TMEM151B: variants seen among roughly 807,000 people sequenced by gnomAD.
TMEM151B encodes the protein transmembrane protein 151B.
A neutral mutation model predicts 33.0 loss-of-function variants in TMEM151B; 18 were observed. The ratio of observed to expected loss-of-function variants is 0.55; its 90% CI spans 0.38 to 0.81. TMEM151B has a LOEUF of 0.81. TMEM151B is among the 30% of genes least tolerant of loss of function. TMEM151B has a pLI of 0.00. For missense variants in TMEM151B, 672 were observed against 843.4 expected (o/e 0.80, Z 2.52); for synonymous variants, 354 against 373.6 (o/e 0.95, Z 0.61).
chr6:44,272,098 A>C (rs895867473), intron 1 of TMEM151B, among the ~76,000 whole-genome samples: 1 of 152,128 alleles, frequency 6.6e-6, no homozygotes, highest in African/African-American at 2.4e-5. Context: ...GGAGCCAGAC[A>C]TGTAAACAAC....
rs1212435743 is a variant in TMEM151B at position 44,278,554 on chromosome 6, C to T, written c.*2027C>T. On this transcript the variant is annotated 3_prime_UTR_variant, in exon 3 of 3. Coordinates refer to ENST00000451188, the MANE Select transcript of TMEM151B (RefSeq NM_001137560.2). ...GGGACAGCCTGGCCACCTCAGGGCTCCAAGGAAGGAGGAACGTGGCTCCTC... is the reference window on the plus strand; with the variant it reads ...GGGACAGCCTGGCCACCTCAGGGCTTCAAGGAAGGAGGAACGTGGCTCCTC... The T allele has an allele frequency of 1.3e-5, 2 of 152,178 alleles. No individual in the cohort carries two copies. Among genetic ancestry groups the T allele is most frequent in the African/African-American group, 4.8e-5 (2 of 41,424 alleles). The allele number at this position is 152,178 out of a possible 1,614,324, so 9.4% of individuals were successfully genotyped here. A position where few individuals can be genotyped will look rare whatever the true frequency, so the allele number is the denominator to read the frequency against.
Position 44,273,422 on chromosome 6 carries a change from G to A in TMEM151B, c.492G>A (p.Trp164Ter). The A allele has an allele frequency of 2.6e-6, 4 of 1,551,174 alleles. No homozygotes were observed. Among genetic ancestry groups the A allele is most frequent in the Non-Finnish European group, 3.5e-6 (4 of 1,146,986 alleles). ...TGCAGCAAGCCACGCCCTGCATCTG[G>A]TGGAAGGCCATCAGCTACCACTATG... ...GRMQQATPCIWWKAISYHYVR... is the reference protein window; with the variant it reads ...GRMQQATPCI The change falls in exon 2 of 3, where the codon TGG (tryptophan) becomes TGA (stop). Residue 164 changes from tryptophan (W) to a stop codon, truncating the protein, a stop_gained. Coordinates refer to ENST00000451188, the MANE Select transcript of TMEM151B (RefSeq NM_001137560.2). LOFTEE classifies it high-confidence loss of function.
At position 44,273,131 on chromosome 6, in the gene TMEM151B, G is replaced by T; in HGVS notation, c.201G>T (p.Leu67=). The part of the protein sequence containing the change: ...LCRESHWKCL[L]LSLLMYGCLG... ...GTGAGTCCCACTGGAAGTGCCTCCT[G>T]CTCTCGCTGCTCATGTACGGCTGCC... is the stretch of plus-strand genomic sequence containing the variant. The change falls in exon 2 of 3, where the codon CTG becomes CTT. Residue 67 remains leucine (L), a synonymous_variant. Coordinates refer to ENST00000451188, the MANE Select transcript of TMEM151B (RefSeq NM_001137560.2). 1 of 1,532,560 alleles carries T rather than the reference G, an allele frequency of 6.5e-7. No homozygotes were observed. 94.9% of individuals were successfully genotyped at this position (1,532,560 alleles called of 1,614,324 possible).
At chr6:44,273,577 C>T in intron 2 of TMEM151B, 71 bp downstream of exon 2, 1 of 1,464,686 alleles carries the variant, frequency 6.8e-7, no homozygotes, top group African/African-American at 1.4e-5. Context: ...TCACTCCCTC[C>T]CCACCTCCCT....
intron 1 of TMEM151B, among the ~76,000 whole-genome samples, chr6:44,272,591 C>T (rs1782407402): frequency 6.6e-6 from 1 of 152,098 alleles, no homozygotes; most frequent in South Asian, 2.1e-4. Flanking sequence ...GTGGGTCCCT[C>T]CCCCTTTTCT....
intron 2 of TMEM151B, 113 bp downstream of exon 2, chr6:44,273,619 G>A (rs1782453515): frequency 8.3e-7 from 1 of 1,210,514 alleles, no homozygotes; most frequent in African/African-American, 1.5e-5. Context: ...AAAGGCAGCA[G>A]TGAGCTCCCA....
At chr6:44,275,291 A>T in intron 2 of TMEM151B, 112 bp from the exon 3 acceptor site, 1 of 1,428,648 alleles carries the variant, frequency 7.0e-7, no homozygotes, top group Non-Finnish European at 9.1e-7. Flanking sequence ...AGACAGACTT[A>T]GGGTCCGACC....
At position 44,275,475 on chromosome 6, in the gene TMEM151B, G is replaced by C; in HGVS notation, c.649G>C (p.Val217Leu). 1.3e-6 allele frequency: 2 copies of C among 1,547,342 alleles called. No individual in the cohort carries two copies. Among genetic ancestry groups the C allele is most frequent in the Non-Finnish European group, 1.7e-6 (2 of 1,144,572 alleles). Residue 217 changes from valine (V) to leucine (L), a missense_variant, in exon 3 of 3, where the codon GTG becomes CTG. By Grantham distance (32) the Val-to-Leu change is conservative. This residue lies in a region of TMEM151B where 285 missense variants were observed against 423.1 expected (regional missense o/e 0.67). Transcript: ENST00000451188. ...CTACGCGCGCTGCGGCGTTCGCGAC[G>C]TGTCCAAGACGCTGGTGGGGCTGGA... is the stretch of plus-strand genomic sequence containing the variant. The part of the protein sequence containing the change: ...FDYARCGVRD[V>L]SKTLVGLEGA...
chr6:44,273,585 C>A, intron 2 of TMEM151B, 79 bp downstream of exon 2: 1 of 1,430,952 alleles, frequency 7.0e-7, no homozygotes, highest in Non-Finnish European at 9.4e-7. Context: ...TCCCCACCTC[C>A]CTGGGGGGAA....
chr6:44,274,771 A>AG (rs1426854004), intron 2 of TMEM151B, among the ~76,000 whole-genome samples: 1 of 152,220 alleles, frequency 6.6e-6, no homozygotes, highest in Non-Finnish European at 1.5e-5. Flanking sequence ...GGCAGGCCAG[A>AG]GGGGCAGTTC....
At chr6:44,274,938 G>C (rs1192231360) in intron 2 of TMEM151B, among the ~76,000 whole-genome samples, 2 of 151,980 alleles carry the variant, frequency 1.3e-5, no homozygotes, top group Non-Finnish European at 2.9e-5. Context: ...CCAACATAGT[G>C]AAACCCCGTC....
intron 2 of TMEM151B, among the ~76,000 whole-genome samples, chr6:44,274,228 G>C (rs1308942780): frequency 6.6e-6 from 1 of 152,190 alleles, no homozygotes; most frequent in Admixed American, 6.6e-5. Context: ...GTGCTTAATG[G>C]CTGGAGATGG....
intron 2 of TMEM151B, 57 bp from the exon 3 acceptor site, chr6:44,275,346 A>G: frequency 6.9e-7 from 1 of 1,450,328 alleles, no homozygotes; most frequent in Non-Finnish European, 9.1e-7. Flanking sequence ...GAGTGGGCAG[A>G]AGCGGGCACC....
Position 44,275,753 on chromosome 6 carries a change from G to A in TMEM151B, c.927G>A (p.Thr309=). The A allele has an allele frequency of 1.3e-6, 2 of 1,545,722 alleles. No individual in the cohort carries two copies. Among genetic ancestry groups the A allele is most frequent in the Non-Finnish European group, 1.7e-6 (2 of 1,145,130 alleles). The stretch of plus-strand genomic sequence containing the variant: ...CCTTCTGGGCCGCGGCGCTGCTCAC[G>A]CTGTCGTGGCCGCTGCGAGTGCTGG... ...SSAFWAAALL[T]LSWPLRVLAE... is the part of the protein sequence containing the mutation. The change falls in exon 3 of 3, where the codon ACG becomes ACA. Residue 309 remains threonine, a synonymous_variant. Coordinates refer to ENST00000451188, the MANE Select transcript of TMEM151B (RefSeq NM_001137560.2).
In TMEM151B at chr6:44,275,833, A is replaced by G. The variant is rs1479669647; in HGVS notation, c.1007A>G (p.Glu336Gly). 6 of 1,541,958 alleles carry G rather than the reference A, an allele frequency of 3.9e-6. No individual in the cohort carries two copies. Among genetic ancestry groups the G allele is most frequent in the Non-Finnish European group, 5.2e-6 (6 of 1,145,828 alleles). Residue 336 changes from glutamate (E) to glycine (G), a missense_variant, in exon 3 of 3, where the codon GAG becomes GGG. Transcript: ENST00000451188. ...CACGTGGAGAAGCTATTTGGCCTGG[A>G]GGGCCCGGGCTCGGCCAGCAGCGCA... ...HYHVEKLFGL[E>G]GPGSASSAGG...
intron 2 of TMEM151B, 105 bp from the exon 3 acceptor site, chr6:44,275,298 G>T: frequency 1.4e-6 from 2 of 1,430,666 alleles, no homozygotes; most frequent in South Asian, 3.0e-5. Context: ...CTTAGGGTCC[G>T]ACCAGGCAAC....
At chr6:44,274,501 G>A (rs1782489473) in intron 2 of TMEM151B, among the ~76,000 whole-genome samples, 1 of 152,230 alleles carries the variant, frequency 6.6e-6, no homozygotes, top group South Asian at 2.1e-4. Context: ...TGGGGTCCTG[G>A]AGGAGACGTT....
Position 44,276,120 on chromosome 6 carries a change from A to G in TMEM151B, c.1294A>G (p.Ser432Gly). The part of the protein sequence containing the change: ...GAAGVAPYRR[S>G]CEHCQRAVSS... ...GGCGGGCGTGGCTCCCTACCGGCGCAGCTGCGAGCACTGCCAGCGCGCCGT... is the reference window on the plus strand; with the variant it reads ...GGCGGGCGTGGCTCCCTACCGGCGCGGCTGCGAGCACTGCCAGCGCGCCGT... Residue 432 changes from serine to glycine, a missense_variant, in exon 3 of 3, where the codon AGC (serine) becomes GGC (glycine). Coordinates refer to ENST00000451188, the MANE Select transcript of TMEM151B (RefSeq NM_001137560.2). The G allele has an allele frequency of 1.5e-6, 2 of 1,321,970 alleles. No homozygotes were observed. Among genetic ancestry groups the G allele is most frequent in the Admixed American group, 4.0e-5 (1 of 24,706 alleles). 81.9% of individuals were successfully genotyped at this position (1,321,970 alleles called of 1,614,324 possible).
Position 44,270,738 on chromosome 6 carries a change from A to G in TMEM151B, c.-5A>G. 9.9e-7 allele frequency: 1 copy of G among 1,007,462 alleles called. No homozygotes were observed. The highest frequency in any genetic ancestry group is 1.2e-6 in the Non-Finnish European group (1 of 839,100). The allele number at this position is 1,007,462 out of a possible 1,614,324, so 62.4% of individuals were successfully genotyped here. On this transcript the variant is annotated 5_prime_UTR_variant, in exon 1 of 3. Coordinates refer to ENST00000451188, the MANE Select transcript of TMEM151B (RefSeq NM_001137560.2). ...GTCCTGAGCTCGACGCGCCCCCTCTACGCCATGTCCCCCCCTGGCTCGGCC... is the reference window on the plus strand; with the variant it reads ...GTCCTGAGCTCGACGCGCCCCCTCTGCGCCATGTCCCCCCCTGGCTCGGCC...
Sources: allele counts gnomAD v4.1 joint callset (sites outside exome capture counted in the v4.1 genomes callset), GRCh38; gene constraint gnomAD v4.1.1; regional missense constraint gnomAD v4.1.1; transcripts MANE v1.5; gene names NCBI Gene and HGNC (gene_info 2026-07-23, HGNC 2026-07-21).